Variants in USP28 observed in about 807,000 individuals in gnomAD.
The protein encoded by USP28 is ubiquitin specific peptidase 28, also known as ubiquitin carboxyl-terminal hydrolase 28.
In USP28, 113 loss-of-function variants were observed where a neutral mutation model predicts 145.0. That is an observed-to-expected ratio of 0.78 (90% confidence interval 0.67 to 0.91). The LOEUF (loss-of-function observed/expected upper bound fraction) is 0.91. USP28 is among the 40% of genes least tolerant of loss of function. USP28 has a pLI of 0.00. For synonymous variants in USP28, 447 were observed against 450.9 expected, an observed-to-expected ratio of 0.99 and a Z score of 0.11; for missense variants, 1,201 against 1,289.6, an observed-to-expected ratio of 0.93 and a Z score of 1.05.
At chr11:113,813,212 C>G (rs930660566) in intron 15 of USP28, among the ~76,000 whole-genome samples, 7 of 152,136 alleles carry the variant, frequency 4.6e-5, no homozygotes, top group African/African-American at 1.7e-4. Flanking sequence ...ATGGGGAAGC[C>G]TGCGTTTTAC....
chr11:113,801,751 C>T, intron 23 of USP28, 73 bp from the exon 25 acceptor site: 1 of 1,307,312 alleles, frequency 7.6e-7, no homozygotes, highest in Non-Finnish European at 1.0e-6. Flanking sequence ...ACAGTCTAAA[C>T]AAGTGGTTCC....
intron 3 of USP28, among the ~76,000 whole-genome samples, chr11:113,845,195 C>G (rs1334598284): frequency 6.7e-6 from 1 of 149,882 alleles, no homozygotes; most frequent in Non-Finnish European, 1.5e-5. Flanking sequence ...TTCCAGCACT[C>G]AGGGAGGCCA....
At chr11:113,841,259 A>G (rs896824099) in intron 4 of USP28, among the ~76,000 whole-genome samples, 19 of 152,200 alleles carry the variant, frequency 1.2e-4, no homozygotes, top group Non-Finnish European at 1.3e-4. Flanking sequence ...ACAACCACCC[A>G]ATTAGTACCA....
In USP28 at chr11:113,850,627, C is replaced by G. The variant is rs116099295; in HGVS notation, c.268+1874G>C. Among the ~76,000 whole-genome samples, 537 of 152,336 alleles carry G rather than the reference C, an allele frequency of 3.5e-3. 2 individuals are homozygous for G. The highest frequency in any genetic ancestry group is 0.013 in the African/African-American group (523 of 41,550). On this transcript the variant is annotated intron_variant, in intron 3 of 24. Transcript: ENST00000003302. Reference sequence around the variant, plus strand: ...AAGGTTCCAGAAGGTTCTCCTTGGTCTCTCCTCCCAGAAGCCTCCGTGGCT... The same window carrying G: ...AAGGTTCCAGAAGGTTCTCCTTGGTGTCTCCTCCCAGAAGCCTCCGTGGCT...
chr11:113,802,041 C>T (rs1466212252), intron 23 of USP28, among the ~76,000 whole-genome samples: 1 of 152,172 alleles, frequency 6.6e-6, no homozygotes, highest in Non-Finnish European at 1.5e-5. Context: ...CACTGATGCC[C>T]AGGGCCCTTC....
At chr11:113,830,117 A>C (rs1001557650) in intron 9 of USP28, among the ~76,000 whole-genome samples, 1 of 152,246 alleles carries the variant, frequency 6.6e-6, no homozygotes, top group African/African-American at 2.4e-5. Context: ...CAAGGAAAAA[A>C]CGATGGAGGG....
chr11:113,853,471 T>TA (rs574465821), intron 2 of USP28, among the ~76,000 whole-genome samples: 196 of 152,304 alleles, frequency 1.3e-3, no homozygotes, highest in Admixed American at 2.4e-3. Context: ...CCTAGTCACT[T>TA]AGTCATAACC....
exon 1 of USP28, chr11:113,875,543 G>A: frequency 8.8e-7 from 1 of 1,132,314 alleles, no homozygotes; most frequent in Non-Finnish European, 1.1e-6. Context: ...TCCCGCCGCA[G>A]CCGCCGCCGG....
exon 1 of USP28, chr11:113,875,549 G>C (rs1041809669): frequency 9.0e-5 from 101 of 1,125,130 alleles, no homozygotes; most frequent in Non-Finnish European, 9.8e-5. Context: ...CGCAGCCGCC[G>C]CCGGCCCAGC....
intron 18 of USP28, among the ~76,000 whole-genome samples, chr11:113,807,077 T>C (rs1213577153): frequency 2.0e-5 from 3 of 147,404 alleles, no homozygotes; most frequent in Non-Finnish European, 4.5e-5. Context: ...TTCAAGGACT[T>C]TTTTTTTTTT....
intron 1 of USP28, among the ~76,000 whole-genome samples, chr11:113,871,858 T>G (rs1004933109): frequency 3.9e-5 from 6 of 152,320 alleles, no homozygotes; most frequent in Non-Finnish European, 7.3e-5. Flanking sequence ...GGAAAGTCTG[T>G]GATCCAGGGC....
At chr11:113,823,520 C>A in intron 12 of USP28, 85 bp downstream of exon 12, 2 of 1,064,412 alleles carry the variant, frequency 1.9e-6, no homozygotes, top group Non-Finnish European at 2.7e-6. Flanking sequence ...AATATTTAAA[C>A]GTTGAGTTAA....
At chr11:113,841,792 T>C in intron 3 of USP28, 24 bp from the exon 4 acceptor site, 2 of 1,530,674 alleles carry the variant, frequency 1.3e-6, no homozygotes, top group Non-Finnish European at 1.8e-6. Flanking sequence ...AGAAATTTAA[T>C]TAGTCTATAT....
At chr11:113,804,133 C>T (rs1939530469) in intron 21 of USP28, among the ~76,000 whole-genome samples, 1 of 152,116 alleles carries the variant, frequency 6.6e-6, no homozygotes, top group African/African-American at 2.4e-5. Context: ...GGATTTTATC[C>T]TAATTTCTAA....
At chr11:113,812,235 A>G (rs771103899) in intron 16 of USP28, 41 bp downstream of exon 16, 1 of 1,530,286 alleles carries the variant, frequency 6.5e-7, no homozygotes, top group South Asian at 1.1e-5. Context: ...TGAGCAGTAC[A>G]GATTTTCCCC....
chr11:113,850,404 TAC>T (rs1295167268), intron 3 of USP28, among the ~76,000 whole-genome samples: 2 of 152,148 alleles, frequency 1.3e-5, no homozygotes, highest in Non-Finnish European at 2.9e-5. Flanking sequence ...CATGGAATAC[TAC>T]ACACCAGTGA....
At position 113,871,138 on chromosome 11, in the gene USP28, C is replaced by T. The variant is rs571735109; in HGVS notation, c.57+4307G>A. Among the ~76,000 whole-genome samples the T allele has an allele frequency of 1.2e-4, 18 of 152,254 alleles. No homozygotes were observed. The East Asian group carries it at 3.5e-3, about 29-fold the overall frequency. ...GTTTCCTTGGTATAAATATTCCCACCTTGGCACAGTTATCAACACGAGGTC... is the reference window on the plus strand; with the variant it reads ...GTTTCCTTGGTATAAATATTCCCACTTTGGCACAGTTATCAACACGAGGTC... On this transcript the variant is annotated intron_variant, in intron 1 of 24. Coordinates refer to ENST00000003302, the Ensembl canonical transcript of USP28.
chr11:113,844,667 A>G (rs886226285), intron 3 of USP28, among the ~76,000 whole-genome samples: 1 of 152,212 alleles, frequency 6.6e-6, no homozygotes, highest in Non-Finnish European at 1.5e-5. Context: ...CAACATCACT[A>G]ATCATCAGAA....
intron 13 of USP28, 23 bp downstream of exon 13, chr11:113,817,635 T>C (rs939981685): frequency 2.9e-6 from 4 of 1,370,106 alleles, no homozygotes; most frequent in Middle Eastern, 3.8e-4. Context: ...TACATACCAT[T>C]AAAAAAAAAA....
Sources: allele counts gnomAD v4.1 joint callset (sites outside exome capture counted in the v4.1 genomes callset), GRCh38; gene constraint gnomAD v4.1.1; transcripts MANE v1.5; gene names NCBI Gene and HGNC (gene_info 2026-07-23, HGNC 2026-07-21).